The following CNBD1 variants were observed in gnomAD, a reference collection of about 807,000 sequenced individuals.
CNBD1 encodes the protein cyclic nucleotide binding domain containing 1, also known as cyclic nucleotide-binding domain-containing protein 1.
A neutral mutation model predicts 54.4 loss-of-function variants in CNBD1; 71 were observed. The ratio of observed to expected loss-of-function variants is 1.30; its 90% confidence interval spans 1.08 to 1.59. CNBD1 has a LOEUF of 1.59. CNBD1 is among the 40% of genes most tolerant of loss of function. The pLI, the probability that CNBD1 is intolerant of heterozygous loss-of-function variation, is 0.00. For synonymous variants in CNBD1, 182 were observed against 170.7 expected (o/e 1.07, Z -0.51); for missense variants, 659 against 518.0 (o/e 1.27, Z -2.64).
intron 4 of CNBD1, among the ~76,000 whole-genome samples, chr8:86,998,426 A>C (rs983779696): frequency 6.6e-6 from 1 of 152,136 alleles, no homozygotes; most frequent in African/African-American, 2.4e-5. Context: ...CAAAAAATGC[A>C]AAAAAACTGG....
intron 8 of CNBD1, among the ~76,000 whole-genome samples, chr8:87,294,358 T>C (rs974895620): frequency 2.0e-5 from 3 of 152,150 alleles, no homozygotes; most frequent in African/African-American, 7.2e-5. Flanking sequence ...TCTACCAGAG[T>C]GCTCTGTTGC....
intron 5 of CNBD1, among the ~76,000 whole-genome samples, chr8:87,231,153 T>C (rs1814681114): frequency 2.0e-5 from 3 of 152,156 alleles, no homozygotes; most frequent in Non-Finnish European, 4.4e-5. Flanking sequence ...TTTTGTATTA[T>C]AATGTTTATA....
At position 87,394,062 on chromosome 8, in the gene CNBD1, A is replaced by G. The variant is rs184753930; in HGVS notation, c.214-34484A>G. ...AAAATAATAGTAACAATAATTTAAA[A>G]GGTACATGCTTATTTCTATGGACAT... On this transcript the variant is annotated intron_variant, in intron 2 of 7. Coordinates refer to the CNBD1 transcript ENST00000521593. 3.7e-3 allele frequency among the ~76,000 whole-genome samples: 558 copies of G among 152,026 alleles called. 3 individuals are homozygous for G. Among genetic ancestry groups the G allele is most frequent in the Admixed American group, 6.4e-3 (98 of 15,224 alleles).
chr8:87,317,085 AT>A (rs1417650804), intron 8 of CNBD1, among the ~76,000 whole-genome samples: 3 of 151,682 alleles, frequency 2.0e-5, no homozygotes, highest in Non-Finnish European at 2.9e-5. Context: ...GTTATAAGAA[AT>A]TTTTTTGTGG....
chr8:87,118,954 A>T (rs1811836125), intron 4 of CNBD1, among the ~76,000 whole-genome samples: 1 of 152,190 alleles, frequency 6.6e-6, no homozygotes, highest in African/African-American at 2.4e-5. Context: ...TTTCATTTTT[A>T]TCTTTTACAT....
intron 5 of CNBD1, among the ~76,000 whole-genome samples, chr8:87,215,403 G>A (rs1199460190): frequency 6.6e-6 from 1 of 151,924 alleles, no homozygotes; most frequent in Non-Finnish European, 1.5e-5. Context: ...TGGCTAACAT[G>A]GTGAAACCCT....
At chr8:86,941,238 C>G (rs907213539) in intron 4 of CNBD1, among the ~76,000 whole-genome samples, 1 of 152,084 alleles carries the variant, frequency 6.6e-6, no homozygotes, top group Admixed American at 6.6e-5. Context: ...AACCACCTGT[C>G]ATAGAAGAGT....
chr8:87,353,099 T>G (rs1360756031), intron 9 of CNBD1, among the ~76,000 whole-genome samples: 2 of 152,232 alleles, frequency 1.3e-5, no homozygotes, highest in African/African-American at 4.8e-5. Flanking sequence ...GGTCTCTTAT[T>G]TGAACCAAAA....
chr8:87,380,973 A>G (rs1340245246), intron 10 of CNBD1, among the ~76,000 whole-genome samples: 1 of 152,040 alleles, frequency 6.6e-6, no homozygotes, highest in Non-Finnish European at 1.5e-5. Context: ...ATATTTTCAC[A>G]TTTGTCTTGG....
intron 2 of CNBD1, among the ~76,000 whole-genome samples, chr8:87,404,186 G>A (rs1039381816): frequency 7.9e-5 from 12 of 152,134 alleles, no homozygotes; most frequent in Middle Eastern, 3.4e-3. Context: ...GAGATCCAAC[G>A]TGGGCAGTGG....
At chr8:87,117,925 A>G (rs1586268490) in intron 4 of CNBD1, among the ~76,000 whole-genome samples, 1 of 152,216 alleles carries the variant, frequency 6.6e-6, no homozygotes, top group Non-Finnish European at 1.5e-5. Flanking sequence ...ATCAATGAAC[A>G]AAACAAACTT....
At chr8:87,393,237 C>T (rs978203645) in intron 2 of CNBD1, among the ~76,000 whole-genome samples, 6 of 151,858 alleles carry the variant, frequency 4.0e-5, no homozygotes, top group South Asian at 2.1e-4. Context: ...TAGGAGAAAG[C>T]GAGAGAAATA....
chr8:87,221,093 C>T (rs1442097660), intron 5 of CNBD1, among the ~76,000 whole-genome samples: 1 of 151,990 alleles, frequency 6.6e-6, no homozygotes, highest in Non-Finnish European at 1.5e-5. Context: ...CTGTTAAACT[C>T]CAGTGTTCTC....
chr8:87,158,787 G>A (rs1187939598), intron 4 of CNBD1, among the ~76,000 whole-genome samples: 2 of 152,134 alleles, frequency 1.3e-5, no homozygotes, highest in Non-Finnish European at 2.9e-5. Context: ...AAGAATGTGA[G>A]CATGCTATCC....
At chr8:87,056,038 T>C (rs1469924454) in intron 4 of CNBD1, among the ~76,000 whole-genome samples, 1 of 151,954 alleles carries the variant, frequency 6.6e-6, no homozygotes, top group Non-Finnish European at 1.5e-5. Flanking sequence ...GAACTGCTAG[T>C]TTGCAAAAAT....
chr8:87,129,171 T>C (rs1215377485), intron 4 of CNBD1, among the ~76,000 whole-genome samples: 1 of 151,504 alleles, frequency 6.6e-6, no homozygotes, highest in Non-Finnish European at 1.5e-5. Context: ...TCAGAATCAT[T>C]CTAGTTTCAC....
chr8:87,322,032 C>A (rs1809548036), intron 8 of CNBD1, among the ~76,000 whole-genome samples: 2 of 141,720 alleles, frequency 1.4e-5, no homozygotes, highest in African/African-American at 5.4e-5. Flanking sequence ...CAATTCCCAC[C>A]TATGAGTGAG....
chr8:87,056,117 A>T (rs1319543815), intron 4 of CNBD1, among the ~76,000 whole-genome samples: 1 of 152,142 alleles, frequency 6.6e-6, no homozygotes, highest in East Asian at 1.9e-4. Flanking sequence ...ATACAGAGAG[A>T]TCTAACAGCT....
At chr8:87,169,882 T>G (rs867153559) in intron 4 of CNBD1, among the ~76,000 whole-genome samples, 11 of 152,264 alleles carry the variant, frequency 7.2e-5, no homozygotes, top group Middle Eastern at 6.8e-3. Flanking sequence ...TAGCTTTGGC[T>G]ATTGTAGGTC....
Sources: allele counts gnomAD v4.1 joint callset (sites outside exome capture counted in the v4.1 genomes callset), GRCh38; gene constraint gnomAD v4.1.1; transcripts MANE v1.5; gene names NCBI Gene and HGNC (gene_info 2026-07-23, HGNC 2026-07-21).